OSBPL10: variants seen among roughly 807,000 people sequenced by gnomAD.
OSBPL10 encodes oxysterol binding protein like 10, also known as oxysterol-binding protein-related protein 10.
In OSBPL10, 49 loss-of-function variants were observed where a neutral mutation model predicts 81.7. That is an observed-to-expected ratio of 0.60 (90% confidence interval 0.48 to 0.76). OSBPL10 has a LOEUF of 0.76. OSBPL10 is among the 30% of genes least tolerant of loss of function. OSBPL10 has a pLI of 0.00. For missense variants in OSBPL10, 923 were observed against 987.8 expected, an observed-to-expected ratio of 0.93 and a Z score of 0.88; for synonymous variants, 419 against 383.6, an observed-to-expected ratio of 1.09 and a Z score of -1.08.
At position 31,664,083 on chromosome 3, in the gene OSBPL10, TG is replaced by T. The variant is rs1322108174; in HGVS notation, c.2245del (p.Gln749ArgfsTer27). On this transcript the variant is annotated frameshift_variant, in exon 11 of 12. Coordinates refer to ENST00000396556, the MANE Select transcript of OSBPL10 (RefSeq NM_017784.5). LOFTEE classifies it high-confidence loss of function. ...AATGACAGGCGGCAGAGTTACCTCC[TG>T]GATAAAATATTTGGGCTTCCATGGT... ...RTPWKPKYFI[Q>X]EGDGWVYFNP... The T allele has an allele frequency of 1.2e-6, 2 of 1,614,110 alleles. No individual in the cohort carries two copies. Among genetic ancestry groups the T allele is most frequent in the Non-Finnish European group, 8.5e-7 (1 of 1,180,016 alleles).
At chr3:31,895,893 C>T (rs1054463863) in intron 1 of OSBPL10, among the ~76,000 whole-genome samples, 2 of 152,174 alleles carry the variant, frequency 1.3e-5, no homozygotes, top group African/African-American at 4.8e-5. Context: ...ATGGGAAATA[C>T]ATCACCATAT....
intron 1 of OSBPL10, among the ~76,000 whole-genome samples, chr3:31,930,433 T>C (rs1697208012): frequency 6.6e-6 from 1 of 152,160 alleles, no homozygotes; most frequent in African/African-American, 2.4e-5. Flanking sequence ...AAAATGTACA[T>C]ACCTTTACAC....
chr3:31,670,579 A>G (rs1452149698), intron 9 of OSBPL10, among the ~76,000 whole-genome samples: 1 of 152,220 alleles, frequency 6.6e-6, no homozygotes, highest in African/African-American at 2.4e-5. Flanking sequence ...GTGCTCTGCA[A>G]ATGCATCACC....
intron 4 of OSBPL10, among the ~76,000 whole-genome samples, chr3:31,774,014 T>C (rs1698465552): frequency 6.6e-6 from 1 of 151,642 alleles, no homozygotes; most frequent in Non-Finnish European, 1.5e-5. Flanking sequence ...ATACAAAGAT[T>C]AGCCGGGCGT....
intron 6 of OSBPL10, among the ~76,000 whole-genome samples, chr3:31,706,800 C>T (rs1449531557): frequency 2.6e-5 from 4 of 152,162 alleles, no homozygotes; most frequent in Non-Finnish European, 5.9e-5. Context: ...TTGTGTCCCT[C>T]CCAGGAAAAA....
chr3:31,783,090 A>G (rs1698739041), intron 4 of OSBPL10, among the ~76,000 whole-genome samples: 1 of 146,946 alleles, frequency 6.8e-6, no homozygotes, highest in Non-Finnish European at 1.5e-5. Flanking sequence ...CTATATGGAT[A>G]TATCTATATC....
intron 5 of OSBPL10, among the ~76,000 whole-genome samples, chr3:31,741,053 T>A (rs1349919997): frequency 2.0e-5 from 3 of 152,170 alleles, no homozygotes; most frequent in Non-Finnish European, 4.4e-5. Flanking sequence ...GGCCTTATTT[T>A]AAGCCTTGCT....
chr3:31,671,023 G>A, intron 8 of OSBPL10, 40 bp from the exon 9 acceptor site: 1 of 1,542,668 alleles, frequency 6.5e-7, no homozygotes, highest in Non-Finnish European at 8.8e-7. Flanking sequence ...ATGCAAACAT[G>A]TGAAGAGGGC....
chr3:31,725,995 C>A (rs934642066), intron 6 of OSBPL10, among the ~76,000 whole-genome samples: 4 of 152,146 alleles, frequency 2.6e-5, no homozygotes, highest in African/African-American at 9.7e-5. Context: ...TCTTGTGGGG[C>A]TGAAGATGAC....
In OSBPL10 at chr3:31,914,410, A is replaced by G. The variant is rs373688407; in HGVS notation, c.282-34580T>C. Among the ~76,000 whole-genome samples the G allele has an allele frequency of 1.4e-4, 21 of 152,332 alleles. 1 individual carries two copies. The South Asian group carries it at 3.9e-3, about 29-fold the overall frequency. On this transcript the variant is annotated intron_variant, in intron 1 of 11. Transcript: ENST00000396556. Reference sequence around the variant, plus strand: ...CTGTGTGACTTATCAGAGTCTGTAAATATGCTTGTATTCATTATGCAGCTC... The same window carrying G: ...CTGTGTGACTTATCAGAGTCTGTAAGTATGCTTGTATTCATTATGCAGCTC...
chr3:31,903,276 C>T (rs1410058008), intron 1 of OSBPL10, among the ~76,000 whole-genome samples: 3 of 151,602 alleles, frequency 2.0e-5, no homozygotes, highest in Non-Finnish European at 4.4e-5. Flanking sequence ...TAATATTTCC[C>T]TAACCTTATG....
intron 2 of OSBPL10, among the ~76,000 whole-genome samples, chr3:32,036,079 G>T (rs187897727): frequency 9.3e-4 from 142 of 152,240 alleles, no homozygotes; most frequent in African/African-American, 3.3e-3. Flanking sequence ...ACAGGTTCTT[G>T]CTTTGTCACC....
At chr3:32,056,484 G>T (rs1296848631) in intron 1 of OSBPL10, among the ~76,000 whole-genome samples, 1 of 152,154 alleles carries the variant, frequency 6.6e-6, no homozygotes, top group Non-Finnish European at 1.5e-5. Flanking sequence ...TCTTTGTGTA[G>T]GAATGCAGGA....
At chr3:31,724,511 CGG>C (rs1696748662) in intron 6 of OSBPL10, among the ~76,000 whole-genome samples, 1 of 152,108 alleles carries the variant, frequency 6.6e-6, no homozygotes, top group African/African-American at 2.4e-5. Context: ...GGCATGATTT[CGG>C]ACCTTCCACT....
At chr3:31,979,368 T>C (rs1575074552) in intron 1 of OSBPL10, among the ~76,000 whole-genome samples, 1 of 152,198 alleles carries the variant, frequency 6.6e-6, no homozygotes, top group Admixed American at 6.5e-5. Context: ...AGAATATCAA[T>C]ATAGAAACAA....
chr3:31,688,372 T>C (rs537865777), intron 7 of OSBPL10, among the ~76,000 whole-genome samples: 4 of 150,100 alleles, frequency 2.7e-5, no homozygotes, highest in Middle Eastern at 3.5e-3. Context: ...AAAAAGCTCA[T>C]CAGCTCAAGT....
intron 4 of OSBPL10, among the ~76,000 whole-genome samples, chr3:31,800,064 T>C (rs1289375353): frequency 6.6e-6 from 1 of 152,152 alleles, no homozygotes; most frequent in Non-Finnish European, 1.5e-5. Flanking sequence ...AAAGGTTCTG[T>C]TTAGTGAAAG....
intron 5 of OSBPL10, among the ~76,000 whole-genome samples, chr3:31,737,362 A>G (rs932709309): frequency 2.6e-5 from 4 of 152,184 alleles, no homozygotes; most frequent in African/African-American, 9.7e-5. Flanking sequence ...CAAGAAGGCT[A>G]AGAGGAAGAA....
At chr3:31,733,486 A>G (rs1036764266) in intron 5 of OSBPL10, 75 bp from the exon 6 acceptor site, 1 of 1,583,994 alleles carries the variant, frequency 6.3e-7, no homozygotes, top group African/African-American at 1.3e-5. Context: ...ATTTGTACTC[A>G]CTGTATGAAG....
Sources: gnomAD v4.1 joint callset for allele counts (sites outside exome capture counted in the v4.1 genomes callset) on GRCh38, gnomAD v4.1.1 for gene constraint, MANE v1.5 for transcripts, NCBI Gene and HGNC (gene_info 2026-07-23, HGNC 2026-07-21) for gene names.